Variants in SDK1 observed in about 807,000 individuals in gnomAD.
The protein encoded by SDK1 is sidekick cell adhesion molecule 1.
A neutral mutation model predicts 245.5 loss-of-function variants in SDK1; 157 were observed. The observed-to-expected ratio is 0.64, with a 90% CI of 0.56 to 0.73. The LOEUF is 0.73. Among genes scored for constraint, SDK1 ranks in the 30% least tolerant of loss-of-function variants. SDK1 has a pLI of 0.00. For synonymous variants in SDK1, 1,647 were observed against 1,278.5 expected (o/e 1.29, Z -6.15); for missense variants, 3,583 against 3,002.3 (o/e 1.19, Z -4.52).
intron 4 of SDK1, among the ~76,000 whole-genome samples, chr7:3,759,003 A>G (rs1289634602): frequency 6.6e-6 from 1 of 152,198 alleles, no homozygotes; most frequent in Non-Finnish European, 1.5e-5. Flanking sequence ...TATTTCTCTG[A>G]CAGGGAGAAA....
At chr7:4,209,846 T>C (rs74494101) in intron 37 of SDK1, among the ~76,000 whole-genome samples, 179 bp from the exon 38 acceptor site, 1,656 of 152,346 alleles carry the variant, frequency 0.011, 33 homozygotes, top group African/African-American at 0.038. Flanking sequence ...GCGTGTCTGA[T>C]TGATCCTCGG....
chr7:4,013,215 G>C (rs1786128396), intron 16 of SDK1, among the ~76,000 whole-genome samples: 1 of 152,220 alleles, frequency 6.6e-6, no homozygotes, highest in Non-Finnish European at 1.5e-5. Context: ...CACTGTATCT[G>C]AACTTGTCTG....
chr7:3,941,881 G>C (rs913247539), intron 5 of SDK1, among the ~76,000 whole-genome samples: 2 of 151,388 alleles, frequency 1.3e-5, no homozygotes, highest in Admixed American at 6.6e-5. Context: ...ATAACCAGCC[G>C]TGGTATATTT....
At chr7:3,511,711 A>G (rs1264156393) in intron 1 of SDK1, among the ~76,000 whole-genome samples, 1 of 152,128 alleles carries the variant, frequency 6.6e-6, no homozygotes, top group East Asian at 1.9e-4. Flanking sequence ...CAGTTAAAGC[A>G]TAAAAAGTTT....
chr7:4,240,180 T>G (rs1032719550), intron 42 of SDK1, among the ~76,000 whole-genome samples: 1 of 152,170 alleles, frequency 6.6e-6, no homozygotes, highest in African/African-American at 2.4e-5. Flanking sequence ...AAAATCTCCC[T>G]GCTTTTCACT....
intron 32 of SDK1, among the ~76,000 whole-genome samples, chr7:4,169,767 C>T (rs1271722140): frequency 6.6e-6 from 1 of 152,190 alleles, no homozygotes; most frequent in East Asian, 1.9e-4. Context: ...GGAGCCACAG[C>T]ACCAGGCCTT....
At chr7:4,198,746 C>G (rs551576137) in intron 35 of SDK1, among the ~76,000 whole-genome samples, 2 of 152,134 alleles carry the variant, frequency 1.3e-5, no homozygotes, top group African/African-American at 4.8e-5. Flanking sequence ...TCATATCGAG[C>G]TCATTCTGAG....
chr7:3,363,220 A>T (rs1376958542), intron 1 of SDK1, among the ~76,000 whole-genome samples: 2 of 152,206 alleles, frequency 1.3e-5, no homozygotes, highest in Non-Finnish European at 2.9e-5. Flanking sequence ...ATATAAATAG[A>T]ATTATACTTT....
intron 1 of SDK1, among the ~76,000 whole-genome samples, chr7:3,449,676 T>C (rs1780452418): frequency 6.6e-6 from 1 of 152,222 alleles, no homozygotes; most frequent in Non-Finnish European, 1.5e-5. Context: ...TAGCACATTT[T>C]GTGAATATTT....
intron 5 of SDK1, among the ~76,000 whole-genome samples, chr7:3,848,058 G>A (rs1020186645): frequency 2.0e-5 from 3 of 152,116 alleles, no homozygotes; most frequent in Non-Finnish European, 2.9e-5. Flanking sequence ...CATACAAACC[G>A]TATTTGAAAT....
At chr7:3,699,596 G>C (rs1318543006) in intron 4 of SDK1, among the ~76,000 whole-genome samples, 2 of 152,100 alleles carry the variant, frequency 1.3e-5, no homozygotes, top group Non-Finnish European at 2.9e-5. Context: ...CTGAACAACA[G>C]AGAAAACAGA....
At chr7:3,434,678 G>T (rs953753307) in intron 1 of SDK1, among the ~76,000 whole-genome samples, 1 of 152,146 alleles carries the variant, frequency 6.6e-6, no homozygotes, top group Admixed American at 6.5e-5. Flanking sequence ...ACCGAGTGTG[G>T]ATGGTTTTAA....
intron 42 of SDK1, among the ~76,000 whole-genome samples, chr7:4,239,682 A>T (rs908803644): frequency 3.3e-5 from 5 of 152,092 alleles, no homozygotes; most frequent in Admixed American, 3.3e-4. Flanking sequence ...GCCTGTTTTG[A>T]TCCTACGGAG....
chr7:3,876,746 A>C (rs1253139890), intron 5 of SDK1, among the ~76,000 whole-genome samples: 2 of 152,190 alleles, frequency 1.3e-5, no homozygotes, highest in Non-Finnish European at 2.9e-5. Flanking sequence ...TGGCACTTTT[A>C]ATCAAGATAA....
intron 30 of SDK1, among the ~76,000 whole-genome samples, chr7:4,154,965 G>A (rs973012374): frequency 1.3e-5 from 2 of 151,990 alleles, no homozygotes; most frequent in African/African-American, 4.8e-5. Context: ...CAACGGGGGT[G>A]GGGGGCTTGA....
intron 1 of SDK1, among the ~76,000 whole-genome samples, chr7:3,476,720 G>A (rs930833727): frequency 1.3e-5 from 2 of 152,070 alleles, no homozygotes; most frequent in African/African-American, 2.4e-5. Flanking sequence ...TTTTTCCTCT[G>A]TAACCGTTCA....
chr7:4,239,260 G>T (rs1446865224), intron 42 of SDK1, among the ~76,000 whole-genome samples: 1 of 152,218 alleles, frequency 6.6e-6, no homozygotes, highest in African/African-American at 2.4e-5. Flanking sequence ...CACCCACAGT[G>T]AATGGAAGTT....
chr7:3,662,041 A>ATTTTT (rs572659449), intron 4 of SDK1, among the ~76,000 whole-genome samples: 2 of 125,774 alleles, frequency 1.6e-5, no homozygotes, highest in African/African-American at 6.3e-5. Flanking sequence ...CAACGGTTGT[A>ATTTTT]TTTTTTTTTT....
chr7:3,366,251 G>T (rs56251704), intron 1 of SDK1, among the ~76,000 whole-genome samples: 17,903 of 151,888 alleles, frequency 0.12, 1,254 homozygotes, highest in African/African-American at 0.19. Context: ...TCACCCTATA[G>T]GTAACCATTT....
Sources: allele counts gnomAD v4.1 joint callset (sites outside exome capture counted in the v4.1 genomes callset), GRCh38; gene constraint gnomAD v4.1.1; transcripts MANE v1.5; gene names NCBI Gene and HGNC (gene_info 2026-07-23, HGNC 2026-07-21).